FER: variants seen among roughly 807,000 people sequenced by gnomAD.
FER encodes tyrosine-protein kinase Fer.
FER carries 63 observed loss-of-function variants against 111.0 expected under a neutral mutation model. That is an observed-to-expected ratio of 0.57 (90% CI 0.46 to 0.70). The LOEUF (loss-of-function observed/expected upper bound fraction) is 0.70. Ranked by LOEUF, FER falls within the 30% of genes least tolerant of loss-of-function variation. The pLI, the probability that FER is intolerant of heterozygous loss-of-function variation, is 0.00. For missense variants in FER, 914 were observed against 954.0 expected (o/e 0.96, Z 0.55); for synonymous variants, 327 against 313.9 (o/e 1.04, Z -0.44).
intron 3 of FER, among the ~76,000 whole-genome samples, chr5:108,808,232 C>T (rs563853861): frequency 6.6e-6 from 1 of 151,812 alleles, no homozygotes; most frequent in South Asian, 2.1e-4. Flanking sequence ...GTGTGGCTGT[C>T]TGTGTCTTTT....
chr5:108,974,981 A>G (rs1214158768), intron 13 of FER, among the ~76,000 whole-genome samples: 2 of 152,248 alleles, frequency 1.3e-5, no homozygotes, highest in Non-Finnish European at 2.9e-5. Flanking sequence ...TTATTGCAAT[A>G]GCAAAGACTT....
intron 10 of FER, among the ~76,000 whole-genome samples, chr5:108,937,764 A>G (rs1290880614): frequency 6.6e-6 from 1 of 151,822 alleles, no homozygotes; most frequent in East Asian, 1.9e-4. Flanking sequence ...GGTGAAATGG[A>G]GTCTGTTGGT....
At chr5:109,003,906 G>A (rs1175260194) in intron 13 of FER, among the ~76,000 whole-genome samples, 2 of 152,166 alleles carry the variant, frequency 1.3e-5, no homozygotes, top group African/African-American at 4.8e-5. Context: ...CTTAAGCCCA[G>A]GGGGTTGAGG....
intron 14 of FER, among the ~76,000 whole-genome samples, chr5:109,039,487 G>A (rs888853905): frequency 1.3e-5 from 2 of 152,092 alleles, no homozygotes; most frequent in Admixed American, 6.6e-5. Context: ...TAATGTTAGA[G>A]GGTGCTAAGT....
chr5:108,814,138 G>A (rs1216053523), intron 3 of FER, among the ~76,000 whole-genome samples: 5 of 152,014 alleles, frequency 3.3e-5, no homozygotes, highest in Non-Finnish European at 7.4e-5. Context: ...TCAATACACA[G>A]TCACTTATTT....
intron 15 of FER, among the ~76,000 whole-genome samples, chr5:109,045,363 T>C (rs1046557380): frequency 5.3e-5 from 8 of 151,958 alleles, no homozygotes; most frequent in Non-Finnish European, 1.0e-4. Context: ...GTACAAAACA[T>C]GCATAAATTT....
intron 16 of FER, among the ~76,000 whole-genome samples, chr5:109,053,382 C>CA (rs779550084): frequency 0.43 from 34,340 of 79,828 alleles, 6,157 homozygotes; most frequent in Non-Finnish European, 0.48. Flanking sequence ...GACTCCGTCT[C>CA]AAAAAAAAAA....
chr5:108,903,029 C>T (rs1750260269), intron 10 of FER, among the ~76,000 whole-genome samples: 1 of 151,802 alleles, frequency 6.6e-6, no homozygotes, highest in Non-Finnish European at 1.5e-5. Context: ...ACTTCGTTTT[C>T]CCTTCAGAAT....
chr5:109,024,787 G>A (rs935847365), intron 13 of FER, among the ~76,000 whole-genome samples: 1 of 151,860 alleles, frequency 6.6e-6, no homozygotes, highest in Non-Finnish European at 1.5e-5. Context: ...ATCTTGAATT[G>A]ATTTTTGTAT....
chr5:108,767,869 G>A (rs1752492478), intron 1 of FER, among the ~76,000 whole-genome samples: 1 of 152,226 alleles, frequency 6.6e-6, no homozygotes, highest in Non-Finnish European at 1.5e-5. Flanking sequence ...GGTTGGAGGA[G>A]AAGGTAACAA....
Position 108,872,114 on chromosome 5 carries a change from A to G in FER, c.825A>G (p.Gln275=). 2.5e-6 allele frequency: 4 copies of G among 1,611,264 alleles called. No individual in the cohort carries two copies. Among genetic ancestry groups the G allele is most frequent in the Non-Finnish European group, 3.4e-6 (4 of 1,178,722 alleles). The change falls in exon 8 of 20, where the codon CAA becomes CAG. Residue 275 remains glutamine, a synonymous_variant. Coordinates refer to ENST00000281092, the MANE Select transcript of FER (RefSeq NM_005246.4). ...CTAGAACAACGGCTGCTAAAGAACAAGAAATAGAGTTTGATACTTCCTTAC... is the reference window on the plus strand; with the variant it reads ...CTAGAACAACGGCTGCTAAAGAACAGGAAATAGAGTTTGATACTTCCTTAC... ...DVHRTTAAKE[Q]EIEFDTSLLE... is the part of the protein sequence containing the mutation.
At chr5:108,860,329 C>T (rs1265660840) in intron 5 of FER, among the ~76,000 whole-genome samples, 2 of 152,034 alleles carry the variant, frequency 1.3e-5, no homozygotes, top group African/African-American at 4.8e-5. Context: ...TTTATTTAGC[C>T]TTTGCTATTA....
intron 3 of FER, chr5:108,830,822 C>A (rs751244181): frequency 6.6e-6 from 1 of 152,108 alleles, no homozygotes; most frequent in Admixed American, 6.6e-5. Context: ...TTATTAGCAG[C>A]GTTGGGGTGT....
intron 10 of FER, among the ~76,000 whole-genome samples, chr5:108,917,638 A>G (rs947632944): frequency 1.3e-5 from 2 of 152,224 alleles, no homozygotes; most frequent in African/African-American, 4.8e-5. Flanking sequence ...CTAAAAACCA[A>G]AGAACACAAG....
intron 5 of FER, among the ~76,000 whole-genome samples, chr5:108,847,148 C>A (rs116749968): frequency 2.7e-5 from 4 of 148,976 alleles, no homozygotes; most frequent in Admixed American, 2.7e-4. Context: ...TCTAAAGTTC[C>A]TTAAATACTT....
intron 17 of FER, among the ~76,000 whole-genome samples, chr5:109,147,218 A>C (rs902420554): frequency 1.3e-5 from 2 of 152,128 alleles, no homozygotes; most frequent in African/African-American, 4.8e-5. Flanking sequence ...AAAGAAATAC[A>C]GAATAAAAAT....
intron 13 of FER, among the ~76,000 whole-genome samples, chr5:109,009,243 C>T (rs1233634644): frequency 6.6e-6 from 1 of 151,812 alleles, no homozygotes; most frequent in Non-Finnish European, 1.5e-5. Context: ...ACCATGTTGG[C>T]CAGGCTGGTC....
intron 13 of FER, among the ~76,000 whole-genome samples, chr5:109,021,942 A>C (rs1455042708): frequency 6.6e-6 from 1 of 152,106 alleles, no homozygotes; most frequent in Non-Finnish European, 1.5e-5. Flanking sequence ...GGGAGAAGAT[A>C]GAGAAAGGTA....
At chr5:109,121,947 T>G (rs1460199292) in intron 17 of FER, among the ~76,000 whole-genome samples, 1 of 152,110 alleles carries the variant, frequency 6.6e-6, no homozygotes, top group Non-Finnish European at 1.5e-5. Context: ...TAATGTTTCC[T>G]TTTTCATTTT....
Sources: gnomAD v4.1 joint callset for allele counts (sites outside exome capture counted in the v4.1 genomes callset) on GRCh38, gnomAD v4.1.1 for gene constraint, MANE v1.5 for transcripts, NCBI Gene and HGNC (gene_info 2026-07-23, HGNC 2026-07-21) for gene names.